The following WWC1 variants were observed in gnomAD, a reference collection of about 807,000 sequenced individuals.
The protein encoded by WWC1 is WW and C2 domain containing 1.
A neutral mutation model predicts 138.4 loss-of-function variants in WWC1; 55 were observed. The observed-to-expected ratio is 0.40, with a 90% CI of 0.32 to 0.50. The LOEUF (loss-of-function observed/expected upper bound fraction) is 0.50, where lower values mean the gene tolerates loss of function less well. Ranked by LOEUF, WWC1 falls within the 20% of genes least tolerant of loss-of-function variation. The pLI is 0.72. For missense variants in WWC1, 1,226 were observed against 1,420.4 expected (o/e 0.86, Z 2.20); for synonymous variants, 524 against 564.9 (o/e 0.93, Z 1.03).
At chr5:168,302,894 G>C (rs1770223639) in intron 1 of WWC1, among the ~76,000 whole-genome samples, 1 of 152,134 alleles carries the variant, frequency 6.6e-6, no homozygotes, top group African/African-American at 2.4e-5. Flanking sequence ...TGCAGTGTTT[G>C]TCAAACTTGA....
At position 168,414,372 on chromosome 5, in the gene WWC1, G is replaced by A; in HGVS notation, c.966G>A (p.Leu322=). The A allele has an allele frequency of 1.2e-6, 2 of 1,610,940 alleles. No individual in the cohort carries two copies. Among genetic ancestry groups the A allele is most frequent in the African/African-American group, 2.7e-5 (2 of 74,996 alleles). Residue 322 remains leucine (L), a synonymous_variant, in exon 9 of 23, where the codon CTG becomes CTA. Transcript: ENST00000265293. ...GGATCGCCAACCTGAAGATCCAGCT[G>A]GCCAAGCTTGACAGTGAGGCCTGGC... ...KRRIANLKIQ[L]AKLDSEAWPG...
Position 168,454,098 on chromosome 5 carries a change from A to G in WWC1, c.2656A>G (p.Lys886Glu). ...SPDMDGYPAL[K>E]VDKETNTETP... is the part of the protein sequence containing the mutation. The stretch of plus-strand genomic sequence containing the variant: ...TGATATGGATGGGTACCCAGCATTA[A>G]AGGTAGGAAGGGCTGGGGGGATAGA... Residue 886 changes from lysine (K) to glutamate (E), a missense_variant and splice_region_variant, in exon 18 of 23, where the codon AAG becomes GAG. Lys to Glu is a moderately conservative substitution (Grantham distance 56, BLOSUM62 1). Coordinates refer to ENST00000265293, the MANE Select transcript of WWC1 (RefSeq NM_015238.3). 1 of 1,612,254 alleles carries G rather than the reference A, an allele frequency of 6.2e-7. No individual in the cohort carries two copies. Among genetic ancestry groups the G allele is most frequent in the South Asian group, 1.1e-5 (1 of 90,926 alleles).
At chr5:168,461,278 G>C (rs1020251881) in intron 20 of WWC1, among the ~76,000 whole-genome samples, 1 of 152,214 alleles carries the variant, frequency 6.6e-6, no homozygotes, top group Non-Finnish European at 1.5e-5. Context: ...GTTGCAGTGA[G>C]CTGAGATTGC....
intron 11 of WWC1, among the ~76,000 whole-genome samples, chr5:168,427,548 A>ATTTTTTTTTTTTTTTT (rs34177139): frequency 1.4e-4 from 14 of 101,142 alleles, no homozygotes; most frequent in Non-Finnish European, 1.9e-4. Flanking sequence ...CTTTTTTTTA[A>ATTTTTTTTTTTTTTTT]TTTTTTTTTT....
At chr5:168,452,062 C>T (rs944873254) in intron 17 of WWC1, among the ~76,000 whole-genome samples, 5 of 152,148 alleles carry the variant, frequency 3.3e-5, no homozygotes, top group South Asian at 4.2e-4. Context: ...CCCACCACCA[C>T]GCCTGGCTAA....
intron 2 of WWC1, among the ~76,000 whole-genome samples, chr5:168,382,155 A>T (rs1394483403): frequency 6.6e-6 from 1 of 152,308 alleles, no homozygotes; most frequent in East Asian, 1.9e-4. Flanking sequence ...AGCGTGGAAC[A>T]CTGTACAGGT....
intron 1 of WWC1, among the ~76,000 whole-genome samples, chr5:168,370,042 A>G (rs1261389643): frequency 1.3e-5 from 2 of 151,142 alleles, no homozygotes; most frequent in African/African-American, 2.4e-5. Flanking sequence ...CTGGGATTAC[A>G]GGCACCAGCC....
chr5:168,424,455 C>A (rs1421000978), intron 11 of WWC1, among the ~76,000 whole-genome samples: 1 of 152,144 alleles, frequency 6.6e-6, no homozygotes, highest in Non-Finnish European at 1.5e-5. Flanking sequence ...AGCTTATGTT[C>A]AAATGGAGGC....
chr5:168,297,957 G>A (rs1448942916), intron 1 of WWC1, among the ~76,000 whole-genome samples: 3 of 152,154 alleles, frequency 2.0e-5, no homozygotes, highest in Non-Finnish European at 4.4e-5. Context: ...GATTGCAAGT[G>A]AATTCCTATT....
chr5:168,313,608 A>G (rs989688766), intron 1 of WWC1, among the ~76,000 whole-genome samples: 2 of 151,848 alleles, frequency 1.3e-5, no homozygotes, highest in African/African-American at 4.8e-5. Flanking sequence ...AAAAAAAAAA[A>G]GCAGAATCCC....
intron 1 of WWC1, among the ~76,000 whole-genome samples, chr5:168,328,006 C>T (rs1772701914): frequency 6.6e-6 from 1 of 152,170 alleles, no homozygotes; most frequent in Non-Finnish European, 1.5e-5. Flanking sequence ...CGCTGCTGCT[C>T]AAAACAGAGT....
At chr5:168,450,591 G>A (rs1228969422) in intron 17 of WWC1, among the ~76,000 whole-genome samples, 1 of 152,050 alleles carries the variant, frequency 6.6e-6, no homozygotes, top group East Asian at 1.9e-4. Context: ...GCTTGAACCC[G>A]GGAGGCAGAG....
At chr5:168,415,813 G>GGGTGTGT (rs1561732878) in intron 9 of WWC1, 1 of 10,746 alleles carries the variant, frequency 9.3e-5, no homozygotes, top group Admixed American at 1.2e-3. Context: ...GGGGGGGGGG[G>GGGTGTGT]GCGTGTGTGT....
At chr5:168,304,942 C>T (rs1006408042) in intron 1 of WWC1, among the ~76,000 whole-genome samples, 7 of 151,784 alleles carry the variant, frequency 4.6e-5, no homozygotes, top group African/African-American at 1.2e-4. Flanking sequence ...TCTCCTGCCT[C>T]GGCTTCCCGA....
At chr5:168,373,611 T>A (rs778499345) in intron 2 of WWC1, among the ~76,000 whole-genome samples, 1 of 151,274 alleles carries the variant, frequency 6.6e-6, no homozygotes, top group Non-Finnish European at 1.5e-5. Context: ...ATATCGGGCA[T>A]GTTTGCATGT....
chr5:168,376,588 G>C (rs1472833488), intron 2 of WWC1, among the ~76,000 whole-genome samples: 1 of 151,990 alleles, frequency 6.6e-6, no homozygotes, highest in Non-Finnish European at 1.5e-5. Context: ...AAAGTTTCAG[G>C]ATACAAAATA....
At chr5:168,316,466 C>T (rs1001126114) in intron 1 of WWC1, among the ~76,000 whole-genome samples, 19 of 152,154 alleles carry the variant, frequency 1.2e-4, no homozygotes, top group Non-Finnish European at 1.8e-4. Context: ...GGGCTGGCTC[C>T]GGGCAGGGTG....
intron 8 of WWC1, chr5:168,414,079 C>T (rs1780411740): frequency 4.7e-6 from 2 of 428,236 alleles, no homozygotes; most frequent in Non-Finnish European, 8.4e-6. Flanking sequence ...GGTGATGAAT[C>T]CACATCTCTA....
intron 1 of WWC1, among the ~76,000 whole-genome samples, chr5:168,370,676 A>G (rs1776682505): frequency 2.0e-5 from 3 of 152,218 alleles, no homozygotes; most frequent in South Asian, 4.1e-4. Context: ...ATTGTTTGTG[A>G]TAGTTTTCTA....
Sources: allele counts gnomAD v4.1 joint callset (sites outside exome capture counted in the v4.1 genomes callset), GRCh38; gene constraint gnomAD v4.1.1; transcripts MANE v1.5; gene names NCBI Gene and HGNC (gene_info 2026-07-23, HGNC 2026-07-21).